Variants in LRRC4C observed in about 807,000 individuals in gnomAD.
LRRC4C encodes the protein leucine rich repeat containing 4C.
In LRRC4C, 5 loss-of-function variants were observed where a neutral mutation model predicts 33.6. The ratio of observed to expected loss-of-function variants is 0.15; its 90% confidence interval spans 0.08 to 0.31. The LOEUF is 0.31. Among genes scored for constraint, LRRC4C ranks in the 10% least tolerant of loss-of-function variants. The pLI is 1.00. For missense variants in LRRC4C, 560 were observed against 796.7 expected (o/e 0.70, Z 3.58); for synonymous variants, 329 against 302.0 (o/e 1.09, Z -0.93).
intron 1 of LRRC4C, among the ~76,000 whole-genome samples, chr11:41,240,555 T>C (rs903623633): frequency 1.3e-5 from 2 of 152,188 alleles, no homozygotes; most frequent in South Asian, 4.1e-4. Context: ...GAATCTGCAT[T>C]AAACATGAGT....
At chr11:41,413,583 T>A (rs1954571588) in intron 1 of LRRC4C, among the ~76,000 whole-genome samples, 1 of 152,206 alleles carries the variant, frequency 6.6e-6, no homozygotes, top group Non-Finnish European at 1.5e-5. Flanking sequence ...ATAAGCCAGA[T>A]AACTTGTCCA....
In LRRC4C at chr11:40,647,160, T is replaced by A. The variant is rs147603314; in HGVS notation, c.-270+982A>T. On this transcript the variant is annotated intron_variant, in intron 3 of 6. Transcript: ENST00000528697. ...TTATGAATGCAGGACAGACAGCTGT[T>A]ATAAATGCAACTGAGAGAGAGCTAA... Among the ~76,000 whole-genome samples, 205 of 152,330 alleles carry A rather than the reference T, an allele frequency of 1.3e-3. 1 individual carries two copies. The highest frequency in any genetic ancestry group is 4.6e-3 in the African/African-American group (193 of 41,574).
At chr11:41,226,786 C>T (rs923239574) in intron 1 of LRRC4C, among the ~76,000 whole-genome samples, 10 of 130,574 alleles carry the variant, frequency 7.7e-5, no homozygotes, top group Admixed American at 1.5e-4. Flanking sequence ...ACCCTTCTCT[C>T]TACGTGTAGT....
intron 2 of LRRC4C, among the ~76,000 whole-genome samples, chr11:40,847,728 A>T (rs1447008605): frequency 6.6e-6 from 1 of 150,744 alleles, no homozygotes; most frequent in African/African-American, 2.4e-5. Flanking sequence ...AATGGCACAA[A>T]CTTCTCTTTG....
chr11:41,316,486 A>G (rs1950800962), intron 1 of LRRC4C, among the ~76,000 whole-genome samples: 1 of 152,104 alleles, frequency 6.6e-6, no homozygotes, highest in South Asian at 2.1e-4. Context: ...CTATATTTCT[A>G]TTGCATCTGT....
At chr11:40,432,871 A>G (rs1950989579) in intron 3 of LRRC4C, among the ~76,000 whole-genome samples, 1 of 152,192 alleles carries the variant, frequency 6.6e-6, no homozygotes, top group Admixed American at 6.6e-5. Context: ...TTCCCAAGAG[A>G]TACACTTTTT....
chr11:41,239,176 G>T (rs775458809), intron 1 of LRRC4C, among the ~76,000 whole-genome samples: 4 of 144,646 alleles, frequency 2.8e-5, no homozygotes, highest in African/African-American at 7.6e-5. Flanking sequence ...AAAAAAATTA[G>T]CCGGGCATGG....
At chr11:40,826,478 G>A (rs913212667) in intron 2 of LRRC4C, among the ~76,000 whole-genome samples, 1 of 151,902 alleles carries the variant, frequency 6.6e-6, no homozygotes, top group South Asian at 2.1e-4. Flanking sequence ...AAGGGTATGT[G>A]CCATACGCCC....
At chr11:41,099,031 C>G (rs1022090783) in intron 1 of LRRC4C, among the ~76,000 whole-genome samples, 1 of 151,984 alleles carries the variant, frequency 6.6e-6, no homozygotes, top group Non-Finnish European at 1.5e-5. Context: ...GAAATAGAAA[C>G]AACAATCAGA....
chr11:40,285,963 G>T (rs1434038153), intron 4 of LRRC4C, among the ~76,000 whole-genome samples: 1 of 151,874 alleles, frequency 6.6e-6, no homozygotes, highest in African/African-American at 2.4e-5. Context: ...TTCAAGTGAG[G>T]ATTAAAGAAA....
intron 2 of LRRC4C, among the ~76,000 whole-genome samples, chr11:40,724,961 A>G (rs1947215312): frequency 6.6e-6 from 1 of 152,152 alleles, no homozygotes; most frequent in Non-Finnish European, 1.5e-5. Flanking sequence ...AGACCCCACG[A>G]ATCTCACATG....
chr11:40,863,279 G>A (rs965093564), intron 2 of LRRC4C, among the ~76,000 whole-genome samples: 2 of 152,164 alleles, frequency 1.3e-5, no homozygotes, highest in Non-Finnish European at 2.9e-5. Context: ...CACTCAGAAG[G>A]TGGCTGCCTT....
At chr11:41,422,057 G>A (rs1012566870) in intron 1 of LRRC4C, among the ~76,000 whole-genome samples, 2 of 152,068 alleles carry the variant, frequency 1.3e-5, no homozygotes, top group African/African-American at 4.8e-5. Flanking sequence ...TGGTGGACCA[G>A]TAGAAGAAAA....
At chr11:40,771,548 C>T (rs146799374) in intron 2 of LRRC4C, among the ~76,000 whole-genome samples, 1 of 152,180 alleles carries the variant, frequency 6.6e-6, no homozygotes, top group African/African-American at 2.4e-5. Flanking sequence ...GAATTTCTCC[C>T]CAGAAAATGG....
intron 3 of LRRC4C, among the ~76,000 whole-genome samples, chr11:40,505,180 G>T (rs549216867): frequency 6.6e-6 from 1 of 152,238 alleles, no homozygotes; most frequent in South Asian, 2.1e-4. Flanking sequence ...TACTTGGTTG[G>T]TGGCTTCCAG....
intron 1 of LRRC4C, among the ~76,000 whole-genome samples, chr11:41,095,416 A>T (rs1940747548): frequency 6.6e-6 from 1 of 152,084 alleles, no homozygotes; most frequent in Non-Finnish European, 1.5e-5. Context: ...CTTAATACCT[A>T]CCTTTTGTGT....
intron 1 of LRRC4C, among the ~76,000 whole-genome samples, chr11:41,338,676 T>G (rs1483948862): frequency 6.6e-6 from 1 of 152,074 alleles, no homozygotes; most frequent in Non-Finnish European, 1.5e-5. Context: ...GCATGTTCTG[T>G]ACACGTATCT....
At chr11:41,055,058 C>T (rs909926491) in intron 1 of LRRC4C, among the ~76,000 whole-genome samples, 12 of 152,104 alleles carry the variant, frequency 7.9e-5, no homozygotes, top group Middle Eastern at 3.2e-3. Flanking sequence ...AGAAAAATAC[C>T]AGAACCTCAG....
chr11:41,061,419 C>A (rs1481296722), intron 1 of LRRC4C, among the ~76,000 whole-genome samples: 5 of 142,934 alleles, frequency 3.5e-5, no homozygotes, highest in Admixed American at 2.9e-4. Flanking sequence ...AAATTTGCTT[C>A]ATTTAAAATA....
Sources: allele counts gnomAD v4.1 joint callset (sites outside exome capture counted in the v4.1 genomes callset), GRCh38; gene constraint gnomAD v4.1.1; transcripts MANE v1.5; gene names NCBI Gene and HGNC (gene_info 2026-07-23, HGNC 2026-07-21).